Variants in C1S observed in about 807,000 individuals in gnomAD.
The protein encoded by C1S is complement C1s.
A neutral mutation model predicts 54.0 loss-of-function variants in C1S; 31 were observed. The observed-to-expected ratio is 0.57, with a 90% confidence interval of 0.43 to 0.78. The LOEUF is 0.78. Among genes scored for constraint, C1S ranks in the 30% least tolerant of loss-of-function variants. The pLI is 0.00. For synonymous variants in C1S, 292 were observed against 303.6 expected (o/e 0.96, Z 0.40); for missense variants, 727 against 851.8 (o/e 0.85, Z 1.82).
intron 9 of C1S, chr12:7,067,433 G>T: frequency 1.4e-6 from 1 of 716,266 alleles, no homozygotes; most frequent in Non-Finnish European, 2.5e-6. Flanking sequence ...CGGCTTTCAT[G>T]GGGCCATCTG....
chr12:7,062,399 C>T (rs1252059619), intron 2 of C1S, 76 bp from the exon 3 acceptor site: 3 of 1,072,618 alleles, frequency 2.8e-6, no homozygotes, highest in African/African-American at 1.5e-5. Flanking sequence ...CTTTCTTCTG[C>T]CTCTGGCAAA....
intron 2 of C1S, chr12:7,062,121 ATT>A: frequency 1.7e-6 from 1 of 587,978 alleles, no homozygotes; most frequent in Non-Finnish European, 3.0e-6. Context: ...AAAAAAAAAA[ATT>A]AGCCCAGCGT....
chr12:7,062,869 T>G, intron 3 of C1S, 21 bp from the exon 4 acceptor site: 1 of 1,612,880 alleles, frequency 6.2e-7, no homozygotes, highest in Non-Finnish European at 8.5e-7. Context: ...CTAGATTTTT[T>G]TTTTGTGACT....
intron 4 of C1S, 198 bp from the exon 5 acceptor site, chr12:7,064,069 T>C (rs782746354): frequency 4.5e-6 from 3 of 668,784 alleles, no homozygotes; most frequent in South Asian, 4.3e-5. Flanking sequence ...CTTATAGCTG[T>C]GTAGTGGTAG....
rs782819065 is a variant in C1S at position 7,066,492 on chromosome 12, C to T, written c.872-26C>T. The T allele has an allele frequency of 1.4e-5, 19 of 1,337,978 alleles. No homozygotes were observed. In the African/African-American group the frequency reaches 2.7e-4, roughly 19 times the overall value. The allele number at this position is 1,337,978 out of a possible 1,614,324, so 82.9% of individuals were successfully genotyped here. ...TTCAACTATTTAGTAATTTTTTCCT[C>T]CTGTCCCAACTTCTGTTCTTTCAAG... On this transcript the variant is annotated intron_variant, in intron 7 of 11. Transcript: ENST00000360817.
At chr12:7,066,941 A>G (rs1937681945) in intron 8 of C1S, 98 bp from the exon 9 acceptor site, 2 of 861,302 alleles carry the variant, frequency 2.3e-6, no homozygotes, top group East Asian at 2.5e-5. Flanking sequence ...TGTGGTGAGG[A>G]CTCCTCATTG....
intron 4 of C1S, 45 bp downstream of exon 4, chr12:7,063,112 G>A: frequency 6.5e-7 from 1 of 1,545,270 alleles, no homozygotes; most frequent in Non-Finnish European, 8.9e-7. Context: ...CCAGCTAAAA[G>A]ATTAGAAATG....
intron 5 of C1S, among the ~76,000 whole-genome samples, chr12:7,064,880 G>T (rs1555161851): frequency 1.3e-5 from 2 of 152,144 alleles, no homozygotes; most frequent in Non-Finnish European, 1.5e-5. Flanking sequence ...AACCAGAAAG[G>T]CTCCATCCTA....
intron 4 of C1S, chr12:7,063,561 C>T (rs1947128503): frequency 6.2e-6 from 2 of 323,528 alleles, no homozygotes; most frequent in Non-Finnish European, 1.2e-5. Flanking sequence ...TAGGACATCT[C>T]ATAAAGCCAA....
intron 1 of C1S, among the ~76,000 whole-genome samples, 173 bp downstream of exon 1, chr12:7,061,050 C>A (rs1555161223): frequency 6.6e-6 from 1 of 152,182 alleles, no homozygotes; most frequent in African/African-American, 2.4e-5. Flanking sequence ...CCCTACTTCA[C>A]CCCCTTACCT....
At chr12:7,061,968 TCTC>T (rs1947095246) in intron 2 of C1S, 51 bp downstream of exon 2, 13 of 1,599,750 alleles carry the variant, frequency 8.1e-6, no homozygotes, top group African/African-American at 1.3e-5. Context: ...CCCTTCATCT[TCTC>T]AAGAAAAGCG....
At chr12:7,063,138 A>C in intron 4 of C1S, 71 bp downstream of exon 4, 1 of 1,362,138 alleles carries the variant, frequency 7.3e-7, no homozygotes, top group South Asian at 1.2e-5. Flanking sequence ...TCCACTGAGC[A>C]ACACATTGAA....
chr12:7,066,101 G>C, intron 7 of C1S, 131 bp downstream of exon 7: 2 of 851,282 alleles, frequency 2.3e-6, no homozygotes, highest in Middle Eastern at 4.4e-4. Flanking sequence ...GGCTGAGGCA[G>C]GAGGATCCCT....
intron 6 of C1S, 32 bp downstream of exon 6, chr12:7,065,331 A>C: frequency 2.0e-6 from 3 of 1,525,988 alleles, no homozygotes; most frequent in South Asian, 2.2e-5. Context: ...CCCCACCCTT[A>C]ACTTACACAG....
chr12:7,066,176 A>G, intron 7 of C1S: 1 of 622,432 alleles, frequency 1.6e-6, no homozygotes, highest in South Asian at 1.9e-5. Context: ...TCTCTAAAAC[A>G]AAACAAAAAC....
chr12:7,070,576 C>G lies in C1S; in HGVS notation c.1992C>G (p.Leu664=), dbSNP rs782399643. ...GGCCCCAGTGTGGGACCTATGGGCT[C>G]TACACACGGGTAAAGAACTATGTTG... ...SWGPQCGTYG[L]YTRVKNYVDW... Residue 664 remains leucine (L), a synonymous_variant, in exon 12 of 12, where the codon CTC becomes CTG. Transcript: ENST00000360817. The surrounding 1 kb of genome is among the most constrained non-coding windows in gnomAD (Gnocchi z 4.9). 8.7e-6 allele frequency: 14 copies of G among 1,613,968 alleles called. No homozygotes were observed. The highest frequency in any genetic ancestry group is 4.2e-6 in the Non-Finnish European group (5 of 1,180,012).
At chr12:7,065,037 T>A (rs782542623) in intron 5 of C1S, 63 bp from the exon 6 acceptor site, 34 of 1,329,780 alleles carry the variant, frequency 2.6e-5, no homozygotes, top group Non-Finnish European at 3.5e-5. Flanking sequence ...AATCATAGAA[T>A]AGTGCAGGAA....
rs1555161405 is a variant in C1S at position 7,062,538 on chromosome 12, C to T, written c.69C>T (p.Ile23=). 1.9e-6 allele frequency: 3 copies of T among 1,613,686 alleles called. No homozygotes were observed. The highest frequency in any genetic ancestry group is 1.1e-5 in the South Asian group (1 of 91,076). ...VYAEPTMYGE[I]LSPNYPQAYP... is the part of the protein sequence containing the mutation. The stretch of plus-strand genomic sequence containing the variant: ...CTGAGCCTACCATGTATGGGGAGAT[C>T]CTGTCCCCTAACTATCCTCAGGCAT... The change falls in exon 3 of 12, where the codon ATC becomes ATT. Residue 23 remains isoleucine, a synonymous_variant. Transcript: ENST00000360817.
chr12:7,062,153 C>T (rs1555161352), intron 2 of C1S: 3 of 580,876 alleles, frequency 5.2e-6, no homozygotes, highest in Admixed American at 3.0e-5. Context: ...CACCTGTGGT[C>T]CCTGCTACTC....
Sources: allele counts gnomAD v4.1 joint callset (sites outside exome capture counted in the v4.1 genomes callset), GRCh38; gene constraint gnomAD v4.1.1; non-coding constraint Gnocchi (gnomAD v3.1); transcripts MANE v1.5; gene names NCBI Gene and HGNC (gene_info 2026-07-23, HGNC 2026-07-21).